The following COQ7 variants were observed in gnomAD, a reference collection of about 807,000 sequenced individuals.
The protein encoded by COQ7 is NADPH-dependent 3-demethoxyubiquinone 3-hydroxylase, mitochondrial.
A neutral mutation model predicts 25.0 loss-of-function variants in COQ7; 21 were observed. The observed-to-expected ratio is 0.84, with a 90% confidence interval of 0.60 to 1.21. COQ7 has a LOEUF of 1.21. Among genes scored for constraint, COQ7 ranks in the 50% most tolerant of loss-of-function variants. The probability of loss-of-function intolerance (pLI) is 0.00; values close to 1 mark genes in which losing one functional copy is unlikely to be tolerated. For synonymous variants in COQ7, 125 were observed against 112.4 expected, an observed-to-expected ratio of 1.11 and a Z score of -0.71; for missense variants, 311 against 296.2, an observed-to-expected ratio of 1.05 and a Z score of -0.37.
intron 4 of COQ7, among the ~76,000 whole-genome samples, chr16:19,076,893 A>G (rs950068148): frequency 6.6e-6 from 1 of 152,104 alleles, no homozygotes; most frequent in Admixed American, 6.6e-5. Context: ...CGCCCGGCCC[A>G]CTTCTTTATC....
rs114467274 is a variant in COQ7, at chr16:19,073,730, G to A, written c.253-191G>A. 9.9e-3 allele frequency among the ~76,000 whole-genome samples: 1,499 copies of A among 152,178 alleles called. 32 individuals are homozygous for A. The highest frequency in any genetic ancestry group is 0.034 in the African/African-American group (1,412 of 41,502). ...GATAATAGACTGTTTTGTATTCTTGGTGCTCTCTTCTCTTTGTCACAGATT... is the reference window on the plus strand; with the variant it reads ...GATAATAGACTGTTTTGTATTCTTGATGCTCTCTTCTCTTTGTCACAGATT... On this transcript the variant is annotated intron_variant, in intron 2 of 5. Coordinates refer to ENST00000321998, the MANE Select transcript of COQ7 (RefSeq NM_016138.5).
At chr16:19,076,253 A>G (rs1962832833) in intron 4 of COQ7, among the ~76,000 whole-genome samples, 1 of 107,196 alleles carries the variant, frequency 9.3e-6, no homozygotes, top group African/African-American at 3.8e-5. Context: ...ACTCACAGCT[A>G]ATTTTTTTTT....
intron 1 of COQ7, among the ~76,000 whole-genome samples, chr16:19,071,586 G>A (rs532763958): frequency 3.3e-5 from 5 of 152,222 alleles, no homozygotes; most frequent in Non-Finnish European, 5.9e-5. Flanking sequence ...AGCTCTGTAT[G>A]GGCCTCTCCT....
chr16:19,067,717 G>T lies in COQ7; in HGVS notation c.53G>T (p.Gly18Val). The T allele has an allele frequency of 1.9e-6, 3 of 1,605,992 alleles. No homozygotes were observed. The highest frequency in any genetic ancestry group is 2.5e-6 in the Non-Finnish European group (3 of 1,178,058). The change falls in exon 1 of 6, where the codon GGG becomes GTG. Residue 18 changes from glycine to valine, a missense_variant. Coordinates refer to ENST00000321998, the MANE Select transcript of COQ7 (RefSeq NM_016138.5). ...AAPRLWRLRP[G>V]ARRSLSAYGR... The stretch of plus-strand genomic sequence containing the variant: ...CCCCGCCTTTGGCGGCTGCGCCCGG[G>T]GGCCCGGCGGTCCCTCTCAGGTAAA...
At chr16:19,067,820 A>C in intron 1 of COQ7, 83 bp downstream of exon 1, 1 of 1,544,154 alleles carries the variant, frequency 6.5e-7, no homozygotes, top group Non-Finnish European at 8.6e-7. Flanking sequence ...CGAAGAGGTC[A>C]CGGGGGAGAG....
downstream of COQ7, among the ~76,000 whole-genome samples, chr16:19,081,923 C>A (rs1272646046): frequency 6.6e-6 from 1 of 152,110 alleles, no homozygotes; most frequent in Non-Finnish European, 1.5e-5. Flanking sequence ...ATATAGAAAT[C>A]TGGATCTGGA....
Position 19,079,404 on chromosome 16 carries a change from C to T in COQ7, c.*1246C>T, listed in dbSNP as rs28591563. The T allele has an allele frequency of 6.6e-6, 1 of 151,562 alleles. No homozygotes were observed. Among genetic ancestry groups the T allele is most frequent in the African/African-American group, 2.4e-5 (1 of 41,240 alleles). 9.4% of individuals were successfully genotyped at this position (151,562 alleles called of 1,614,324 possible). A position where few individuals can be genotyped will look rare whatever the true frequency, so the allele number is the denominator to read the frequency against. On this transcript the variant is annotated 3_prime_UTR_variant, in exon 6 of 6. Transcript: ENST00000321998. ...TTAAGGTCTTTTACCACCTCCCCCCCAAAAAAATCCCCCAAAACTGATTCA... is the reference window on the plus strand; with the variant it reads ...TTAAGGTCTTTTACCACCTCCCCCCTAAAAAAATCCCCCAAAACTGATTCA...
downstream of COQ7, among the ~76,000 whole-genome samples, chr16:19,082,543 T>C (rs570237464): frequency 6.6e-4 from 100 of 152,048 alleles, no homozygotes; most frequent in African/African-American, 2.2e-3. Context: ...CCCAGCACTT[T>C]GGGAGGCTGA....
At chr16:19,069,409 C>CTTTT (rs67523316) in intron 1 of COQ7, among the ~76,000 whole-genome samples, 4 of 119,342 alleles carry the variant, frequency 3.4e-5, no homozygotes, top group Non-Finnish European at 6.7e-5. Context: ...TGATTATTGC[C>CTTTT]TTTTTTTTTT....
At chr16:19,068,037 G>T (rs1962325001) in intron 1 of COQ7, 2 of 1,260,280 alleles carry the variant, frequency 1.6e-6, no homozygotes, top group Middle Eastern at 3.1e-4. Flanking sequence ...GTCGAGGACA[G>T]TTGGCGACAC....
At chr16:19,077,637 G>T (rs1962930051) in intron 5 of COQ7, among the ~76,000 whole-genome samples, 1 of 115,666 alleles carries the variant, frequency 8.6e-6, no homozygotes, top group Non-Finnish European at 1.7e-5. Flanking sequence ...CTCCCATGCT[G>T]GAGTGCAGTG....
chr16:19,070,252 A>G (rs1411037249), intron 1 of COQ7, among the ~76,000 whole-genome samples: 2 of 152,186 alleles, frequency 1.3e-5, no homozygotes, highest in African/African-American at 2.4e-5. Context: ...AGCCACCCCA[A>G]ATTTCACCAA....
At chr16:19,067,834 C>A in intron 1 of COQ7, 97 bp downstream of exon 1, 2 of 1,530,788 alleles carry the variant, frequency 1.3e-6, no homozygotes, top group South Asian at 2.4e-5. Context: ...GGGAGAGGTT[C>A]GTAACGTCAC....
chr16:19,071,096 A>T (rs926038340), intron 1 of COQ7, among the ~76,000 whole-genome samples: 5 of 152,082 alleles, frequency 3.3e-5, no homozygotes, highest in African/African-American at 9.6e-5. Context: ...CGAATGCCCA[A>T]CGGTGTGGGG....
At chr16:19,075,374 G>A (rs933298533) in intron 3 of COQ7, among the ~76,000 whole-genome samples, 17 of 151,910 alleles carry the variant, frequency 1.1e-4, no homozygotes, top group African/African-American at 3.9e-4. Flanking sequence ...ACTAATTTTT[G>A]TATTTTTAGT....
At chr16:19,081,313 T>C (rs1457745871), downstream of COQ7, among the ~76,000 whole-genome samples, 3 of 152,206 alleles carry the variant, frequency 2.0e-5, no homozygotes, top group Non-Finnish European at 4.4e-5. Context: ...CAGGACACAA[T>C]TGGAGAAACT....
intron 4 of COQ7, among the ~76,000 whole-genome samples, chr16:19,076,842 T>C (rs908309918): frequency 6.6e-6 from 1 of 152,206 alleles, no homozygotes; most frequent in African/African-American, 2.4e-5. Context: ...TCCTCCTGCC[T>C]TGGCCTCCTA....
rs1267600885 is a variant in COQ7 at position 19,078,225 on chromosome 16, C to T, written c.*67C>T. 4.3e-6 allele frequency: 5 copies of T among 1,174,788 alleles called. No individual in the cohort carries two copies. In the East Asian group the frequency reaches 1.2e-4, roughly 29 times the overall value. The allele number at this position is 1,174,788 out of a possible 1,614,324, so 72.8% of individuals were successfully genotyped here. ...TTACCAAGTGACATTTGCAGAGAAACAGGTGTACAGTTATCGTTGTACTTT... is the reference window on the plus strand; with the variant it reads ...TTACCAAGTGACATTTGCAGAGAAATAGGTGTACAGTTATCGTTGTACTTT... On this transcript the variant is annotated 3_prime_UTR_variant, in exon 6 of 6. Transcript: ENST00000321998.
chr16:19,071,696 T>C (rs373333997), intron 1 of COQ7: 3 of 533,724 alleles, frequency 5.6e-6, no homozygotes, highest in East Asian at 3.3e-5. Flanking sequence ...GGTAAGAAGG[T>C]AGGCTCAGCA....
Sources: gnomAD v4.1 joint callset for allele counts (sites outside exome capture counted in the v4.1 genomes callset) on GRCh38, gnomAD v4.1.1 for gene constraint, MANE v1.5 for transcripts, NCBI Gene and HGNC (gene_info 2026-07-23, HGNC 2026-07-21) for gene names.